Variants in AFF4 observed in about 807,000 individuals in gnomAD.
The protein encoded by AFF4 is AF4/FMR2 family member 4.
In AFF4, 13 loss-of-function variants were observed where a neutral mutation model predicts 124.8. The observed-to-expected ratio is 0.10, with a 90% confidence interval of 0.07 to 0.17. AFF4 has a LOEUF of 0.17. Ranked by LOEUF, AFF4 falls within the 10% of genes least tolerant of loss-of-function variation. AFF4 has a pLI of 1.00. For synonymous variants in AFF4, 477 were observed against 496.1 expected, an observed-to-expected ratio of 0.96 and a Z score of 0.51; for missense variants, 1,092 against 1,403.8, an observed-to-expected ratio of 0.78 and a Z score of 3.55.
chr5:132,897,051 C>G lies in AFF4; in HGVS notation c.1579G>C (p.Ala527Pro). ...GTTTTGGAGTCTCGTCCCGGAGTAG[C>G]GGAACTCGTTTCTTTAGGTCCACTT... Reference protein sequence around the residue: ...DTSGPKETSSATPGRDSKTIQ... With the variant: ...DTSGPKETSSPTPGRDSKTIQ... The change falls in exon 11 of 21, where the codon GCT (alanine) becomes CCT (proline). Residue 527 changes from alanine to proline, a missense_variant. Physicochemically the swap from Ala to Pro is conservative, Grantham distance 27. Transcript: ENST00000265343. 1 of 1,614,164 alleles carries G rather than the reference C, an allele frequency of 6.2e-7. No homozygotes were observed. Among genetic ancestry groups the G allele is most frequent in the Non-Finnish European group, 8.5e-7 (1 of 1,180,024 alleles).
At chr5:132,942,706 C>T (rs1216040696) in intron 1 of AFF4, among the ~76,000 whole-genome samples, 2 of 152,190 alleles carry the variant, frequency 1.3e-5, no homozygotes, top group African/African-American at 2.4e-5. Flanking sequence ...TCAGGTGATC[C>T]ACCCACCTCG....
rs1266690251 is a variant in AFF4, at chr5:132,963,304, C to G, written c.-50G>C. 2.0e-5 allele frequency: 8 copies of G among 395,944 alleles called. No homozygotes were observed. In the South Asian group the frequency reaches 1.1e-3, roughly 53 times the overall value. 24.5% of individuals were successfully genotyped at this position (395,944 alleles called of 1,614,324 possible). A position where few individuals can be genotyped will look rare whatever the true frequency, so the allele number is the denominator to read the frequency against. On this transcript the variant is annotated 5_prime_UTR_variant, in exon 1 of 21. Transcript: ENST00000265343. ...GGCCCGAACCATCTCCTGGCTGCGGCAGTGGCGGCGCCGGGCCTGCACCTT... is the reference window on the plus strand; with the variant it reads ...GGCCCGAACCATCTCCTGGCTGCGGGAGTGGCGGCGCCGGGCCTGCACCTT...
chr5:132,939,087 G>C (rs1373910419), intron 1 of AFF4, among the ~76,000 whole-genome samples: 1 of 150,994 alleles, frequency 6.6e-6, no homozygotes, highest in Non-Finnish European at 1.5e-5. Flanking sequence ...AGGTGTGGTG[G>C]TGGACACCTG....
At chr5:132,961,786 C>T (rs1477210198) in intron 1 of AFF4, among the ~76,000 whole-genome samples, 1 of 152,140 alleles carries the variant, frequency 6.6e-6, no homozygotes, top group East Asian at 1.9e-4. Flanking sequence ...AATTTGCCTA[C>T]TGTTTCTAGA....
intron 20 of AFF4, 150 bp downstream of exon 20, chr5:132,883,190 T>C (rs1760028834): frequency 1.3e-6 from 1 of 761,698 alleles, no homozygotes; most frequent in African/African-American, 1.8e-5. Context: ...ATTTATTGTT[T>C]AACTGCTAAG....
At position 132,934,875 on chromosome 5, in the gene AFF4, C is replaced by T. The variant is rs774692542; in HGVS notation, c.190G>A (p.Asp64Asn). 3.7e-6 allele frequency: 6 copies of T among 1,613,812 alleles called. No homozygotes were observed. The highest frequency in any genetic ancestry group is 4.2e-6 in the Non-Finnish European group (5 of 1,179,840). ...GGTATAGATCTGTCTCCTATGAAAT[C>T]CTTCATTTCATCGTAGTTTCCAAGC... ...SMLGNYDEMK[D>N]FIGDRSIPKL... The change falls in exon 3 of 21, where the codon GAT (aspartate) becomes AAT (asparagine). Residue 64 changes from aspartate (D) to asparagine (N), a missense_variant. Coordinates refer to ENST00000265343, the MANE Select transcript of AFF4 (RefSeq NM_014423.4).
At chr5:132,926,414 C>T (rs1761171959) in intron 5 of AFF4, among the ~76,000 whole-genome samples, 1 of 152,154 alleles carries the variant, frequency 6.6e-6, no homozygotes. Context: ...TCTGAGGAAC[C>T]TCTTTCCACG....
At chr5:132,896,180 T>C (rs990722060) in intron 11 of AFF4, 143 bp downstream of exon 11, 12 of 913,336 alleles carry the variant, frequency 1.3e-5, no homozygotes, top group East Asian at 5.1e-5. Context: ...CTGTTCCACA[T>C]GTAGCCTCGC....
At chr5:132,962,533 C>T (rs1311158865) in intron 1 of AFF4, among the ~76,000 whole-genome samples, 1 of 152,086 alleles carries the variant, frequency 6.6e-6, no homozygotes, top group East Asian at 1.9e-4. Context: ...TAAGGTTACT[C>T]CCAAAACTCC....
chr5:132,933,126 G>A lies in AFF4; in HGVS notation c.919-904C>T, dbSNP rs371609060. The stretch of plus-strand genomic sequence containing the variant: ...AAAGATAAAATTTGGGGCCAGGCGC[G>A]GTGGCTCACGCCTGTAATCCCAGCA... On this transcript the variant is annotated intron_variant, in intron 3 of 20. Coordinates refer to ENST00000265343, the MANE Select transcript of AFF4 (RefSeq NM_014423.4). Among the ~76,000 whole-genome samples, 49 of 151,556 alleles carry A rather than the reference G, an allele frequency of 3.2e-4. 1 individual carries two copies. Among genetic ancestry groups the A allele is most frequent in the Non-Finnish European group, 5.7e-4 (39 of 67,850 alleles).
Position 132,878,334 on chromosome 5 carries a change from A to T in AFF4, c.*2725T>A, listed in dbSNP as rs965705875. Reference sequence around the variant, plus strand: ...CTGGCATACAAGTGTAGTCATAAAGAGCAGTCAACAGAGTAACTGTTTAAA... The same window carrying T: ...CTGGCATACAAGTGTAGTCATAAAGTGCAGTCAACAGAGTAACTGTTTAAA... On this transcript the variant is annotated 3_prime_UTR_variant, in exon 21 of 21. Coordinates refer to ENST00000265343, the MANE Select transcript of AFF4 (RefSeq NM_014423.4). 1 of 230,554 alleles carries T rather than the reference A, an allele frequency of 4.3e-6. No individual in the cohort carries two copies. Among genetic ancestry groups the T allele is most frequent in the Non-Finnish European group, 8.6e-6 (1 of 116,286 alleles). 14.3% of individuals were successfully genotyped at this position (230,554 alleles called of 1,614,324 possible).
At chr5:132,951,546 C>T (rs1384127066) in intron 1 of AFF4, among the ~76,000 whole-genome samples, 2 of 151,752 alleles carry the variant, frequency 1.3e-5, no homozygotes, top group African/African-American at 4.8e-5. Context: ...TCTTTTTTTT[C>T]AGACAGAGTC....
chr5:132,959,105 C>G (rs1230528708), intron 1 of AFF4, among the ~76,000 whole-genome samples: 1 of 151,282 alleles, frequency 6.6e-6, no homozygotes, highest in Non-Finnish European at 1.5e-5. Context: ...TGCCTTCTGT[C>G]AGAACATTCC....
At chr5:132,891,856 T>C in intron 13 of AFF4, 2 of 440,598 alleles carry the variant, frequency 4.5e-6, no homozygotes, top group Non-Finnish European at 8.0e-6. Flanking sequence ...CTCACCACAT[T>C]GCCCAGGCTG....
rs1461967051 is a variant in AFF4 at position 132,877,166 on chromosome 5, C to T, written c.*3893G>A. The T allele has an allele frequency of 2.4e-5, 5 of 207,634 alleles. No homozygotes were observed. Among genetic ancestry groups the T allele is most frequent in the Non-Finnish European group, 4.9e-5 (5 of 101,734 alleles). 12.9% of individuals were successfully genotyped at this position (207,634 alleles called of 1,614,324 possible). On this transcript the variant is annotated 3_prime_UTR_variant, in exon 21 of 21. Transcript: ENST00000265343. Reference sequence around the variant, plus strand: ...AAAAACATCATCACAAGCTGCCTAACAGTCATCCCCAGTAGATGTTCCTGG... The same window carrying T: ...AAAAACATCATCACAAGCTGCCTAATAGTCATCCCCAGTAGATGTTCCTGG...
intron 1 of AFF4, chr5:132,944,840 G>C (rs957504079): frequency 4.7e-5 from 7 of 150,182 alleles, no homozygotes; most frequent in Admixed American, 4.0e-4. Context: ...TGAGGCAGGA[G>C]AATCACTTGA....
Position 132,880,967 on chromosome 5 carries a change from A to C in AFF4, c.*92T>G. 2 of 1,440,798 alleles carry C rather than the reference A, an allele frequency of 1.4e-6. No individual in the cohort carries two copies. Among genetic ancestry groups the C allele is most frequent in the African/African-American group, 1.4e-5 (1 of 69,398 alleles). The allele number at this position is 1,440,798 out of a possible 1,614,324, so 89.3% of individuals were successfully genotyped here. On this transcript the variant is annotated 3_prime_UTR_variant, in exon 21 of 21. Coordinates refer to ENST00000265343, the MANE Select transcript of AFF4 (RefSeq NM_014423.4). ...GAGGAGAAAACTATTCCTCATTCTT[A>C]GTGTCGACTAGGTGGTATGTTATGG...
chr5:132,893,084 T>A lies in AFF4; in HGVS notation c.2342A>T (p.Lys781Ile). 6.2e-7 allele frequency: 1 copy of A among 1,614,194 alleles called. No individual in the cohort carries two copies. Among genetic ancestry groups the A allele is most frequent in the Non-Finnish European group, 8.5e-7 (1 of 1,180,022 alleles). ...EDDNRASESK[K>I]PKTEDKNSAG... ...TGAATTCTTGTCCTCCGTTTTGGGTTTCTTGCTCTCACTGGCTCGGTTATC... is the reference window on the plus strand; with the variant it reads ...TGAATTCTTGTCCTCCGTTTTGGGTATCTTGCTCTCACTGGCTCGGTTATC... The change falls in exon 12 of 21, where the codon AAA (lysine) becomes ATA (isoleucine). Residue 781 changes from lysine (K) to isoleucine (I), a missense_variant. Physicochemically the swap from Lys to Ile is moderately radical, Grantham distance 102. Around this residue, in one of 11 missense-constraint regions of AFF4, gnomAD observed 293 missense variants for 280.2 expected, o/e 1.05. Coordinates refer to ENST00000265343, the MANE Select transcript of AFF4 (RefSeq NM_014423.4).
In AFF4 at chr5:132,936,976, C is replaced by A. The variant is rs1458667420; in HGVS notation, c.123+91G>T. The A allele has an allele frequency of 4.1e-6, 6 of 1,467,768 alleles. No homozygotes were observed. The East Asian group carries it at 1.2e-4, about 29-fold the overall frequency. The allele number at this position is 1,467,768 out of a possible 1,614,324, so 90.9% of individuals were successfully genotyped here. ...ATGTTAAGTGGTATTCATAGTAATT[C>A]TTTTCTAATATAAACATTCAAGTGT... On this transcript the variant is annotated intron_variant, in intron 2 of 20. Coordinates refer to ENST00000265343, the MANE Select transcript of AFF4 (RefSeq NM_014423.4).
Sources: gnomAD v4.1 joint callset for allele counts (sites outside exome capture counted in the v4.1 genomes callset) on GRCh38, gnomAD v4.1.1 for gene constraint, gnomAD v4.1.1 regional missense constraint, MANE v1.5 for transcripts, NCBI Gene and HGNC (gene_info 2026-07-23, HGNC 2026-07-21) for gene names.